The following ADGRG5 variants were observed in gnomAD, a reference collection of about 807,000 sequenced individuals.
ADGRG5 encodes the protein adhesion G protein-coupled receptor G5, also known as G protein-coupled receptor 114.
Under a neutral mutation model 53.2 loss-of-function variants are expected in ADGRG5, and 37 were observed. The observed-to-expected ratio is 0.70, with a 90% CI of 0.53 to 0.91. ADGRG5 has a LOEUF of 0.91. Among genes scored for constraint, ADGRG5 ranks in the 40% least tolerant of loss-of-function variants. The pLI is 0.00. For missense variants in ADGRG5, 614 were observed against 675.8 expected (o/e 0.91, Z 1.01); for synonymous variants, 277 against 290.4 (o/e 0.95, Z 0.47).
the ADGRG5 span, among the ~76,000 whole-genome samples, chr16:57,529,477 A>G: frequency 6.6e-6 from 1 of 152,270 alleles, no homozygotes; most frequent in South Asian, 2.1e-4. This position sits in a 1 kb window ranked among gnomAD's most constrained non-coding sequence, Gnocchi z 4.1. Context: ...TGGTGGAGCA[A>G]GGGCCCGCAA....
chr16:57,559,069 C>T (rs1364633376), intron 1 of ADGRG5, among the ~76,000 whole-genome samples: 2 of 150,308 alleles, frequency 1.3e-5, no homozygotes, highest in Admixed American at 6.6e-5. Flanking sequence ...AGGCTGGTCT[C>T]GAACCCCTAG....
chr16:57,543,495 C>A (rs1166992778), intron 1 of ADGRG5, among the ~76,000 whole-genome samples: 3 of 152,064 alleles, frequency 2.0e-5, no homozygotes, highest in Non-Finnish European at 2.9e-5. Flanking sequence ...TTTGGTCAGG[C>A]TGGTCTCGGA....
chr16:57,575,380 A>T, intron 11 of ADGRG5, 58 bp from the exon 12 acceptor site: 3 of 1,502,190 alleles, frequency 2.0e-6, no homozygotes, highest in Non-Finnish European at 2.8e-6. Flanking sequence ...AGCCAAGGAG[A>T]CCCTGGCCTT....
intron 9 of ADGRG5, 123 bp downstream of exon 9, chr16:57,568,247 G>A: frequency 2.1e-6 from 2 of 953,122 alleles, no homozygotes; most frequent in Non-Finnish European, 3.2e-6. Context: ...CACCAGCTGT[G>A]AACTCTGTCT....
intron 1 of ADGRG5, among the ~76,000 whole-genome samples, chr16:57,551,551 C>T (rs2032754708): frequency 6.6e-6 from 1 of 152,212 alleles, no homozygotes; most frequent in African/African-American, 2.4e-5. Context: ...CAAGTTTGAT[C>T]ATGAGACTGC....
Position 57,570,471 on chromosome 16 carries a change from G to A in ADGRG5, c.1144G>A (p.Gly382Arg), listed in dbSNP as rs758492374. Reference sequence around the variant, plus strand: ...CCTCTCTGTCAAGAGCTCGGTATACGGACCCTGCACAATCCCCGTCTTCGA... The same window carrying A: ...CCTCTCTGTCAAGAGCTCGGTATACAGACCCTGCACAATCCCCGTCTTCGA... Reference protein sequence around the residue: ...LSLSVKSSVYGPCTIPVFDSW... With the variant: ...LSLSVKSSVYRPCTIPVFDSW... The change falls in exon 10 of 12, where the codon GGA becomes AGA. Residue 382 changes from glycine to arginine, a missense_variant. By Grantham distance (125) the Gly-to-Arg change is moderately radical (BLOSUM62 -2). Transcript: ENST00000349457. 6.2e-7 allele frequency: 1 copy of A among 1,613,524 alleles called. No individual in the cohort carries two copies. The highest frequency in any genetic ancestry group is 8.5e-7 in the Non-Finnish European group (1 of 1,179,968).
At chr16:57,550,523 G>T (rs750911628) in intron 1 of ADGRG5, among the ~76,000 whole-genome samples, 45 of 152,222 alleles carry the variant, frequency 3.0e-4, no homozygotes, top group Non-Finnish European at 4.6e-4. Flanking sequence ...TCAGTTTTTT[G>T]TTGTTGTTGT....
At chr16:57,545,731 C>T (rs1040714801) in intron 1 of ADGRG5, among the ~76,000 whole-genome samples, 5 of 152,178 alleles carry the variant, frequency 3.3e-5, no homozygotes, top group Non-Finnish European at 5.9e-5. Context: ...TAATTAGTCC[C>T]GTGTTCATAG....
intron 10 of ADGRG5, among the ~76,000 whole-genome samples, chr16:57,571,656 CTTT>C (rs61698586): frequency 3.7e-5 from 5 of 134,004 alleles, no homozygotes; most frequent in Non-Finnish European, 3.1e-5. Flanking sequence ...TCTTTTTTTT[CTTT>C]TTTTTTTTTT....
chr16:57,555,708 C>T (rs938927115), intron 1 of ADGRG5, among the ~76,000 whole-genome samples: 19 of 152,024 alleles, frequency 1.2e-4, no homozygotes, highest in African/African-American at 4.6e-4. Flanking sequence ...AATCTTTATC[C>T]CTGGTAAAAT....
In ADGRG5 at chr16:57,562,083, C is replaced by G; in HGVS notation, c.-11C>G. ...CCGGAGCCAGTTCTTGGAGGAGACT[C>G]TGCACAGGGCATGGATCACTGTGGT... On this transcript the variant is annotated 5_prime_UTR_variant, in exon 2 of 12. Transcript: ENST00000349457. The G allele has an allele frequency of 6.5e-7, 1 of 1,547,766 alleles. No homozygotes were observed. Among genetic ancestry groups the G allele is most frequent in the South Asian group, 1.2e-5 (1 of 81,968 alleles).
In ADGRG5 at chr16:57,575,607, A is replaced by AGCAG; in HGVS notation, c.*70_*71insCAGG. ...GTAGCCTGAGGCTACGGCTCCTGCT[A>AGCAG]GAGAGGGTGGCAGGCCTGCTGCTGG... On this transcript the variant is annotated 3_prime_UTR_variant, in exon 12 of 12. Coordinates refer to ENST00000349457, the MANE Select transcript of ADGRG5 (RefSeq NM_001304376.3). The AGCAG allele has an allele frequency of 3.8e-6, 5 of 1,306,788 alleles. No individual in the cohort carries two copies. The highest frequency in any genetic ancestry group is 5.5e-6 in the Non-Finnish European group (5 of 909,554). The allele number at this position is 1,306,788 out of a possible 1,614,324, so 80.9% of individuals were successfully genotyped here.
intron 1 of ADGRG5, among the ~76,000 whole-genome samples, chr16:57,547,648 T>C (rs567181096): frequency 3.3e-5 from 5 of 152,298 alleles, no homozygotes; most frequent in African/African-American, 1.2e-4. Flanking sequence ...GGTTTCATCA[T>C]GTTGACCAGG....
intron 1 of ADGRG5, among the ~76,000 whole-genome samples, chr16:57,545,747 T>G (rs541738355): frequency 1.3e-5 from 2 of 152,258 alleles, no homozygotes; most frequent in African/African-American, 2.4e-5. Flanking sequence ...CATAGATATT[T>G]GTGCTGGTTC....
At chr16:57,529,204 G>T in the ADGRG5 span, 1 of 1,164,162 alleles carries the variant, frequency 8.6e-7, no homozygotes, top group South Asian at 4.2e-5. This position sits in a 1 kb window ranked among gnomAD's most constrained non-coding sequence, Gnocchi z 4.1. Context: ...CCCTGAGCTC[G>T]AACTCGCGGT....
At chr16:57,539,969 A>G (rs2032466199), upstream of ADGRG5, among the ~76,000 whole-genome samples, 1 of 152,164 alleles carries the variant, frequency 6.6e-6, no homozygotes, top group African/African-American at 2.4e-5. Flanking sequence ...GGCGGGGCAC[A>G]GTGGCTCACA....
At chr16:57,568,260 A>G (rs898981183) in intron 9 of ADGRG5, 136 bp downstream of exon 9, 5 of 790,782 alleles carry the variant, frequency 6.3e-6, no homozygotes, top group African/African-American at 1.7e-5. Flanking sequence ...CTCTGTCTAC[A>G]CCCACCTCTA....
At chr16:57,549,215 C>A (rs527773984) in intron 1 of ADGRG5, among the ~76,000 whole-genome samples, 1 of 152,236 alleles carries the variant, frequency 6.6e-6, no homozygotes, top group South Asian at 2.1e-4. Flanking sequence ...ATATTCAGAA[C>A]GTAAAGTTCG....
intron 9 of ADGRG5, 68 bp downstream of exon 9, chr16:57,568,192 C>T (rs547562699): frequency 5.8e-5 from 87 of 1,509,594 alleles, no homozygotes; most frequent in South Asian, 5.6e-4. Context: ...CCCTTTAGTC[C>T]TTTCTTTCCC....
Sources: allele counts gnomAD v4.1 joint callset (sites outside exome capture counted in the v4.1 genomes callset), GRCh38; gene constraint gnomAD v4.1.1; non-coding constraint Gnocchi (gnomAD v3.1); transcripts MANE v1.5; gene names NCBI Gene and HGNC (gene_info 2026-07-23, HGNC 2026-07-21).